Variants in ZFAT observed in about 807,000 individuals in gnomAD.
ZFAT encodes zinc finger protein ZFAT.
In ZFAT, 64 loss-of-function variants were observed where a neutral mutation model predicts 117.7. The ratio of observed to expected loss-of-function variants is 0.54; its 90% CI spans 0.44 to 0.67. The LOEUF is 0.67. Among genes scored for constraint, ZFAT ranks in the 30% least tolerant of loss-of-function variants. The pLI, the probability that ZFAT is intolerant of heterozygous loss-of-function variation, is 0.00. For missense variants in ZFAT, 1,433 were observed against 1,584.5 expected, an observed-to-expected ratio of 0.90 and a Z score of 1.62; for synonymous variants, 679 against 615.0, an observed-to-expected ratio of 1.10 and a Z score of -1.54.
chr8:134,615,959 G>A (rs957706851), intron 3 of ZFAT, among the ~76,000 whole-genome samples: 1 of 152,200 alleles, frequency 6.6e-6, no homozygotes, highest in South Asian at 2.1e-4. Context: ...ACGCATGCTC[G>A]CTCAGAGGCA....
intron 11 of ZFAT, among the ~76,000 whole-genome samples, chr8:134,547,950 T>C (rs1363430572): frequency 1.3e-5 from 2 of 152,130 alleles, no homozygotes; most frequent in Admixed American, 1.3e-4. Flanking sequence ...CTCTGGCAAC[T>C]GTGAGAGGAG....
chr8:134,740,709 T>G, the ZFAT span, among the ~76,000 whole-genome samples: 1 of 152,204 alleles, frequency 6.6e-6, no homozygotes, highest in Non-Finnish European at 1.5e-5. Flanking sequence ...GTTCTGGCCT[T>G]TGGAAGGACC....
At chr8:134,821,538 T>C in the ZFAT span, among the ~76,000 whole-genome samples, 1 of 149,914 alleles carries the variant, frequency 6.7e-6, no homozygotes, top group South Asian at 2.1e-4. Flanking sequence ...CCATGTCACA[T>C]GCATGCGGTT....
chr8:134,574,345 C>T lies in ZFAT; in HGVS notation c.2888-8924G>A, dbSNP rs1189028992. ...AGAAAGGCAATCGCTCCTGGCCTCCCGGCAGCTGTGGGCAGGCCACCGTGG... is the reference window on the plus strand; with the variant it reads ...AGAAAGGCAATCGCTCCTGGCCTCCTGGCAGCTGTGGGCAGGCCACCGTGG... On this transcript the variant is annotated intron_variant, in intron 10 of 15. Transcript: ENST00000377838. Among the ~76,000 whole-genome samples, 11 of 152,090 alleles carry T rather than the reference C, an allele frequency of 7.2e-5. No individual in the cohort carries two copies. The East Asian group carries it at 1.4e-3, about 19-fold the overall frequency.
At position 134,637,596 on chromosome 8, in the gene ZFAT, GAGC is replaced by G; in HGVS notation, c.310_312del (p.Ala104del). ...GGAGGCAGGCTGTTCCCTTCCTCCGGAGCCAGCGGGCTGTCCTCAGTCGGACTC... is the reference window on the plus strand; with the variant it reads ...GGAGGCAGGCTGTTCCCTTCCTCCGGCAGCGGGCTGTCCTCAGTCGGACTC... On this transcript the variant is annotated inframe_deletion, in exon 3 of 16. Coordinates refer to ENST00000377838, the MANE Select transcript of ZFAT (RefSeq NM_020863.4). 6.2e-7 allele frequency: 1 copy of G among 1,614,214 alleles called. No homozygotes were observed. The highest frequency in any genetic ancestry group is 1.3e-5 in the African/African-American group (1 of 75,056).
the ZFAT span, among the ~76,000 whole-genome samples, chr8:134,777,297 G>A: frequency 6.6e-6 from 1 of 152,182 alleles, no homozygotes; most frequent in African/African-American, 2.4e-5. Flanking sequence ...CTCCAAAGAG[G>A]AAAGAGAGAA....
At chr8:134,613,844 G>A (rs1425094569) in intron 3 of ZFAT, among the ~76,000 whole-genome samples, 1 of 152,196 alleles carries the variant, frequency 6.6e-6, no homozygotes, top group African/African-American at 2.4e-5. Context: ...CCAGCAGCTA[G>A]GAGAGGCCAA....
the ZFAT span, among the ~76,000 whole-genome samples, chr8:134,722,795 A>C: frequency 2.0e-5 from 3 of 152,178 alleles, no homozygotes. Context: ...TGCCCCCCTT[A>C]ACTCGTATGT....
At chr8:134,727,602 A>G in the ZFAT span, among the ~76,000 whole-genome samples, 1 of 152,186 alleles carries the variant, frequency 6.6e-6, no homozygotes, top group Non-Finnish European at 1.5e-5. Flanking sequence ...ACGTCAAGCC[A>G]GTTTTGTGAC....
chr8:134,639,825 G>A (rs189574146), intron 2 of ZFAT: 1 of 455,752 alleles, frequency 2.2e-6, no homozygotes, highest in Non-Finnish European at 4.4e-6. Flanking sequence ...AGAGTTTACT[G>A]AAGCCTGCGG....
At chr8:134,565,069 T>A in intron 11 of ZFAT, 1 of 1,438,490 alleles carries the variant, frequency 7.0e-7, no homozygotes, top group South Asian at 1.2e-5. Context: ...AGTGCTTTTA[T>A]GCAAAGATCG....
the ZFAT span, among the ~76,000 whole-genome samples, chr8:134,757,577 T>C: frequency 6.6e-6 from 1 of 152,156 alleles, no homozygotes; most frequent in Non-Finnish European, 1.5e-5. Flanking sequence ...GATGGGACAC[T>C]GGTGACAGGG....
chr8:134,495,162 G>T (rs1818339520), intron 15 of ZFAT, among the ~76,000 whole-genome samples: 1 of 152,156 alleles, frequency 6.6e-6, no homozygotes, highest in Admixed American at 6.5e-5. Context: ...AGCAGCACAG[G>T]TTGAGTGACT....
chr8:134,570,426 T>C (rs1469903853), intron 10 of ZFAT, among the ~76,000 whole-genome samples: 1 of 152,188 alleles, frequency 6.6e-6, no homozygotes, highest in Non-Finnish European at 1.5e-5. Flanking sequence ...TGATTTATAG[T>C]GTTTGTTATC....
chr8:134,774,970 T>C, the ZFAT span, among the ~76,000 whole-genome samples: 1 of 152,116 alleles, frequency 6.6e-6, no homozygotes, highest in South Asian at 2.1e-4. Flanking sequence ...ATACAATAAT[T>C]AGCCAGCCGT....
intron 1 of ZFAT, among the ~76,000 whole-genome samples, chr8:134,711,856 G>A (rs189935461): frequency 6.6e-6 from 1 of 152,110 alleles, no homozygotes; most frequent in South Asian, 2.1e-4. Flanking sequence ...GTGTCCCTGG[G>A]GGTTAGAGGT....
rs1034714044 is a variant in ZFAT, at chr8:134,657,741, T to C, written c.20-4A>G. 26 of 1,601,170 alleles carry C rather than the reference T, an allele frequency of 1.6e-5. No homozygotes were observed. Among genetic ancestry groups the C allele is most frequent in the Non-Finnish European group, 2.1e-5 (25 of 1,175,436 alleles). On this transcript the variant is annotated splice_polypyrimidine_tract_variant and splice_region_variant and intron_variant, in intron 1 of 15. Transcript: ENST00000377838. Reference sequence around the variant, plus strand: ...CACATAAAGATGGCCGTGTTTTCTGTAAGGAAAAAAAAGGAAAATATGTTA... The same window carrying C: ...CACATAAAGATGGCCGTGTTTTCTGCAAGGAAAAAAAAGGAAAATATGTTA...
chr8:134,698,803 C>T (rs1833940763), intron 1 of ZFAT, among the ~76,000 whole-genome samples: 1 of 152,174 alleles, frequency 6.6e-6, no homozygotes, highest in African/African-American at 2.4e-5. Flanking sequence ...CATCAATGTT[C>T]CTGCCTACCT....
At chr8:134,555,341 G>A (rs1268682963) in intron 11 of ZFAT, among the ~76,000 whole-genome samples, 2 of 152,210 alleles carry the variant, frequency 1.3e-5, no homozygotes, top group Non-Finnish European at 2.9e-5. Context: ...ATAAAGGCAG[G>A]TATTCAGCAT....
Sources: gnomAD v4.1 joint callset for allele counts (sites outside exome capture counted in the v4.1 genomes callset) on GRCh38, gnomAD v4.1.1 for gene constraint, MANE v1.5 for transcripts, NCBI Gene and HGNC (gene_info 2026-07-23, HGNC 2026-07-21) for gene names.